ACSBG1: variants seen among roughly 807,000 people sequenced by gnomAD.
The protein encoded by ACSBG1 is acyl-CoA synthetase bubblegum family member 1, also known as long-chain-fatty-acid--CoA ligase ACSBG1.
ACSBG1 carries 39 observed loss-of-function variants against 80.2 expected under a neutral mutation model. The observed-to-expected ratio is 0.49, with a 90% CI of 0.38 to 0.64. ACSBG1 has a LOEUF of 0.64. Among genes scored for constraint, ACSBG1 ranks in the 30% least tolerant of loss-of-function variants. ACSBG1 has a pLI of 0.00. For synonymous variants in ACSBG1, 392 were observed against 379.5 expected, an observed-to-expected ratio of 1.03 and a Z score of -0.38; for missense variants, 828 against 966.4, an observed-to-expected ratio of 0.86 and a Z score of 1.90.
chr15:78,193,774 G>A lies in ACSBG1; in HGVS notation c.543-148C>T, dbSNP rs1195678192. 5 of 1,436,246 alleles carry A rather than the reference G, an allele frequency of 3.5e-6. No homozygotes were observed. In the Admixed American group the frequency reaches 6.6e-5, roughly 19 times the overall value. 89.0% of individuals were successfully genotyped at this position (1,436,246 alleles called of 1,614,324 possible). On this transcript the variant is annotated intron_variant, in intron 4 of 13. Transcript: ENST00000258873. The stretch of plus-strand genomic sequence containing the variant: ...AAGGCACCTGAGCACCTCCTCCCCT[G>A]CAGAGAGGGCGCCAGATGCAGGTCC...
chr15:78,173,589 C>CT lies in ACSBG1; in HGVS notation c.2089+3dup. The stretch of plus-strand genomic sequence containing the variant: ...CCTTGCAATGGTGAAAAGGAAAAAC[C>CT]TACCCAACTCTCCACCCGAAATGGA... On this transcript the variant is annotated splice_donor_region_variant and intron_variant, in intron 13 of 13. Transcript: ENST00000258873. The CT allele has an allele frequency of 6.2e-7, 1 of 1,613,932 alleles. No individual in the cohort carries two copies. The highest frequency in any genetic ancestry group is 2.2e-5 in the East Asian group (1 of 44,872).
At chr15:78,174,301 C>T in intron 12 of ACSBG1, 84 bp downstream of exon 12, 3 of 1,576,086 alleles carry the variant, frequency 1.9e-6, no homozygotes, top group Non-Finnish European at 2.6e-6. Flanking sequence ...TGGATGTGCC[C>T]TGTGCTGAAT....
intron 1 of ACSBG1, among the ~76,000 whole-genome samples, chr15:78,225,069 T>A (rs1166297053): frequency 2.0e-5 from 3 of 152,082 alleles, no homozygotes. Context: ...ATCAATTATA[T>A]TTATACTAAC....
At chr15:78,181,668 T>C (rs1018862681) in intron 8 of ACSBG1, among the ~76,000 whole-genome samples, 1 of 152,006 alleles carries the variant, frequency 6.6e-6, no homozygotes, top group Non-Finnish European at 1.5e-5. Flanking sequence ...TAATTTTTTG[T>C]ATTTTCAGTA....
intron 8 of ACSBG1, among the ~76,000 whole-genome samples, chr15:78,181,489 CTTTTTT>C (rs71145901): frequency 4.8e-5 from 4 of 83,044 alleles, no homozygotes; most frequent in Non-Finnish European, 6.8e-5. Flanking sequence ...CATCAGGTTT[CTTTTTT>C]TTTTTTTTTT....
Position 78,168,795 on chromosome 15 carries a change from T to TGAG in ACSBG1, c.*2646_*2648dup. 7.7e-6 allele frequency: 5 copies of TGAG among 647,610 alleles called. No individual in the cohort carries two copies. The highest frequency in any genetic ancestry group is 1.4e-5 in the Non-Finnish European group (5 of 354,894). 40.1% of individuals were successfully genotyped at this position (647,610 alleles called of 1,614,324 possible). ...GGTGGAGTGGTTCCTCACTTTGAAA[T>TGAG]GAGGAACTAAATGAAAGAGCAGCCG... On this transcript the variant is annotated 3_prime_UTR_variant, in exon 14 of 14. Coordinates refer to ENST00000258873, the MANE Select transcript of ACSBG1 (RefSeq NM_015162.5).
At chr15:78,225,444 A>T (rs145682380) in intron 1 of ACSBG1, among the ~76,000 whole-genome samples, 1,893 of 141,862 alleles carry the variant, frequency 0.013, 49 homozygotes, top group African/African-American at 0.048. Context: ...AAAATAAATT[A>T]AAAAATAAAA....
chr15:78,184,722 C>G (rs77161299), intron 5 of ACSBG1, among the ~76,000 whole-genome samples: 1 of 152,110 alleles, frequency 6.6e-6, no homozygotes, highest in Non-Finnish European at 1.5e-5. Flanking sequence ...TGATTCTGAT[C>G]ACAAGGGAGT....
At chr15:78,219,173 T>C (rs906942483) in intron 1 of ACSBG1, among the ~76,000 whole-genome samples, 1 of 152,170 alleles carries the variant, frequency 6.6e-6, no homozygotes, top group Admixed American at 6.5e-5. Flanking sequence ...ATGAGGTCCT[T>C]GGCACCTCTC....
intron 1 of ACSBG1, chr15:78,212,402 A>G (rs2075274001): frequency 2.7e-6 from 1 of 370,282 alleles, no homozygotes; most frequent in Non-Finnish European, 5.4e-6. Flanking sequence ...GAAGAAAAGG[A>G]TAACTTGGCA....
intron 13 of ACSBG1, 194 bp from the exon 14 acceptor site, chr15:78,171,723 T>C: frequency 1.9e-6 from 1 of 526,796 alleles, no homozygotes; most frequent in South Asian, 2.3e-5. Flanking sequence ...TCCTGTGTTA[T>C]ACCACTGGTT....
intron 13 of ACSBG1, among the ~76,000 whole-genome samples, chr15:78,173,261 C>T (rs2074844368): frequency 7.4e-6 from 1 of 134,340 alleles, no homozygotes; most frequent in Admixed American, 9.0e-5. Context: ...AGGAGAATCA[C>T]TTGAACCCGC....
chr15:78,207,282 G>A (rs1242672260), intron 2 of ACSBG1, among the ~76,000 whole-genome samples: 2 of 152,170 alleles, frequency 1.3e-5, no homozygotes, highest in African/African-American at 2.4e-5. Context: ...CCACAGCTCA[G>A]GCCAGATCCC....
At chr15:78,218,807 TCC>T (rs1432980254) in intron 1 of ACSBG1, among the ~76,000 whole-genome samples, 4 of 37,802 alleles carry the variant, frequency 1.1e-4, no homozygotes, top group South Asian at 1.3e-3. Context: ...AGTATCGCTC[TCC>T]TTTTTTTTTT....
In ACSBG1 at chr15:78,225,645, CCAGT is replaced by C. The variant is rs2075394655; in HGVS notation, c.131+8722_131+8725del. Among the ~76,000 whole-genome samples, 5 of 151,432 alleles carry C rather than the reference CCAGT, an allele frequency of 3.3e-5. No individual in the cohort carries two copies. The South Asian group carries it at 1.0e-3, about 32-fold the overall frequency. ...TTTGAAATATAGAGTCAATTTACTCCCAGTCAAATTTCAAACAGTCTTTTTTTAA... is the reference window on the plus strand; with the variant it reads ...TTTGAAATATAGAGTCAATTTACTCCCAAATTTCAAACAGTCTTTTTTTAA... On this transcript the variant is annotated intron_variant, in intron 1 of 13. Coordinates refer to ENST00000258873, the MANE Select transcript of ACSBG1 (RefSeq NM_015162.5).
chr15:78,174,588 C>G (rs753436412), intron 11 of ACSBG1, 64 bp from the exon 12 acceptor site: 1 of 1,550,364 alleles, frequency 6.5e-7, no homozygotes, highest in Non-Finnish European at 8.7e-7. Flanking sequence ...TGAACCACAA[C>G]CCAAGCCTCA....
At chr15:78,232,720 C>T (rs753240575) in intron 1 of ACSBG1, among the ~76,000 whole-genome samples, 16 of 150,776 alleles carry the variant, frequency 1.1e-4, no homozygotes, top group South Asian at 2.1e-4. Flanking sequence ...CTTTTGCTCT[C>T]GTGGCCCAGG....
At chr15:78,181,807 G>T (rs1715860653) in intron 8 of ACSBG1, among the ~76,000 whole-genome samples, 162 bp downstream of exon 8, 1 of 152,114 alleles carries the variant, frequency 6.6e-6, no homozygotes, top group Admixed American at 6.5e-5. Flanking sequence ...TTCCCTTCTT[G>T]TTTGGTCATT....
chr15:78,199,025 A>C (rs977777828), intron 2 of ACSBG1, among the ~76,000 whole-genome samples: 1 of 152,152 alleles, frequency 6.6e-6, no homozygotes, highest in Admixed American at 6.5e-5. Context: ...TCCTTTAGAC[A>C]CATGGCCCTT....
Sources: allele counts gnomAD v4.1 joint callset (sites outside exome capture counted in the v4.1 genomes callset), GRCh38; gene constraint gnomAD v4.1.1; transcripts MANE v1.5; gene names NCBI Gene and HGNC (gene_info 2026-07-23, HGNC 2026-07-21).